Variants in GLIS3 observed in about 807,000 individuals in gnomAD.
The protein encoded by GLIS3 is zinc finger protein GLIS3.
In GLIS3, 53 loss-of-function variants were observed where a neutral mutation model predicts 78.6. The ratio of observed to expected loss-of-function variants is 0.67; its 90% confidence interval spans 0.54 to 0.85. The LOEUF is 0.85. Among genes scored for constraint, GLIS3 ranks in the 40% least tolerant of loss-of-function variants. The pLI, the probability that GLIS3 is intolerant of heterozygous loss-of-function variation, is 0.00. For synonymous variants in GLIS3, 684 were observed against 509.9 expected (o/e 1.34, Z -4.60); for missense variants, 1,703 against 1,231.1 (o/e 1.38, Z -5.74).
the GLIS3 span, among the ~76,000 whole-genome samples, chr9:4,475,136 G>C: frequency 1.3e-5 from 2 of 151,998 alleles, no homozygotes; most frequent in Non-Finnish European, 2.9e-5. Context: ...TGGGATTACA[G>C]GCGTGAGCCA....
chr9:4,376,317 A>C, the GLIS3 span, among the ~76,000 whole-genome samples: 7 of 152,216 alleles, frequency 4.6e-5, no homozygotes, highest in Non-Finnish European at 1.0e-4. Context: ...AAGCATTAGG[A>C]GTATCCAAGG....
chr9:4,150,967 C>A (rs1834630718), intron 2 of GLIS3: 1 of 152,098 alleles, frequency 6.6e-6, no homozygotes, highest in African/African-American at 2.4e-5. Context: ...ATGTCTTTTG[C>A]CTTCAAAATA....
At chr9:3,991,329 C>T (rs987724117) in intron 4 of GLIS3, among the ~76,000 whole-genome samples, 1 of 149,502 alleles carries the variant, frequency 6.7e-6, no homozygotes, top group Non-Finnish European at 1.5e-5. Context: ...AATGAAGATA[C>T]AAAAAAACAA....
chr9:4,475,135 A>T, the GLIS3 span, among the ~76,000 whole-genome samples: 14 of 152,066 alleles, frequency 9.2e-5, no homozygotes, highest in African/African-American at 3.1e-4. Context: ...CTGGGATTAC[A>T]GGCGTGAGCC....
At chr9:4,171,106 T>C (rs1364235721) in intron 2 of GLIS3, among the ~76,000 whole-genome samples, 1 of 152,224 alleles carries the variant, frequency 6.6e-6, no homozygotes, top group Admixed American at 6.5e-5. Context: ...CTGTAAGTCA[T>C]ATTTAGAATA....
At chr9:4,378,394 A>G in the GLIS3 span, among the ~76,000 whole-genome samples, 1 of 152,140 alleles carries the variant, frequency 6.6e-6, no homozygotes. Flanking sequence ...CTGTTTCTCC[A>G]AAATATTTAA....
At chr9:3,923,196 C>A (rs1825004703) in intron 6 of GLIS3, among the ~76,000 whole-genome samples, 1 of 152,174 alleles carries the variant, frequency 6.6e-6, no homozygotes, top group Admixed American at 6.5e-5. Flanking sequence ...TAATTCGTTT[C>A]CCACATTACC....
At chr9:4,173,542 GTA>G (rs1263361970) in intron 2 of GLIS3, among the ~76,000 whole-genome samples, 4 of 146,892 alleles carry the variant, frequency 2.7e-5, no homozygotes, top group African/African-American at 7.6e-5. Flanking sequence ...TATATAATAT[GTA>G]TATGTGTGTG....
intron 2 of GLIS3, among the ~76,000 whole-genome samples, chr9:4,333,813 C>T (rs1013842613): frequency 2.1e-5 from 3 of 140,570 alleles, no homozygotes; most frequent in African/African-American, 5.3e-5. Context: ...GAAATATCCT[C>T]CCAAGAGAAA....
chr9:4,486,302 C>G, the GLIS3 span, among the ~76,000 whole-genome samples: 1 of 152,186 alleles, frequency 6.6e-6, no homozygotes, highest in Non-Finnish European at 1.5e-5. Flanking sequence ...GCGTAAGATT[C>G]AGACCCATCA....
chr9:4,080,630 T>G (rs1387802112), intron 4 of GLIS3, among the ~76,000 whole-genome samples: 1 of 152,164 alleles, frequency 6.6e-6, no homozygotes, highest in Non-Finnish European at 1.5e-5. Context: ...AAAATATTAT[T>G]TACCTTTATT....
At chr9:4,069,385 G>T (rs73641302) in intron 4 of GLIS3, among the ~76,000 whole-genome samples, 1 of 152,256 alleles carries the variant, frequency 6.6e-6, no homozygotes, top group African/African-American at 2.4e-5. Flanking sequence ...TCTTCCAGTT[G>T]CTATCTCCAG....
At chr9:4,454,356 C>T in the GLIS3 span, among the ~76,000 whole-genome samples, 10 of 152,160 alleles carry the variant, frequency 6.6e-5, no homozygotes, top group Non-Finnish European at 1.5e-4. Flanking sequence ...TTTCACAGAA[C>T]TGATGTCAAA....
intron 8 of GLIS3, among the ~76,000 whole-genome samples, chr9:3,869,309 T>A (rs1820824703): frequency 6.6e-6 from 1 of 151,398 alleles, no homozygotes; most frequent in Non-Finnish European, 1.5e-5. Context: ...GCTGAGTGGT[T>A]TAAGATACCA....
chr9:4,206,526 T>C (rs1183200781), intron 2 of GLIS3, among the ~76,000 whole-genome samples: 1 of 152,224 alleles, frequency 6.6e-6, no homozygotes, highest in African/African-American at 2.4e-5. Flanking sequence ...ACACAGCCTA[T>C]GTGCAGTGGA....
At chr9:4,407,353 C>G in the GLIS3 span, among the ~76,000 whole-genome samples, 1 of 152,154 alleles carries the variant, frequency 6.6e-6, no homozygotes, top group African/African-American at 2.4e-5. Flanking sequence ...CAAGAAAACA[C>G]TGGAAAAACT....
intron 2 of GLIS3, among the ~76,000 whole-genome samples, chr9:4,279,455 A>G (rs1827354239): frequency 6.6e-6 from 1 of 150,922 alleles, no homozygotes; most frequent in Non-Finnish European, 1.5e-5. Context: ...AAGAAAAAAA[A>G]CAATAATATC....
intron 4 of GLIS3, among the ~76,000 whole-genome samples, chr9:4,072,710 A>G (rs1163350937): frequency 2.0e-5 from 3 of 151,242 alleles, no homozygotes; most frequent in Non-Finnish European, 4.4e-5. Context: ...ATTTCTGCAC[A>G]TGACAGGGTA....
chr9:4,384,475 T>C, the GLIS3 span, among the ~76,000 whole-genome samples: 1 of 151,860 alleles, frequency 6.6e-6, no homozygotes, highest in Non-Finnish European at 1.5e-5. Flanking sequence ...TGAAATTGTT[T>C]CTTTTTCTCT....
Sources: allele counts gnomAD v4.1 joint callset (sites outside exome capture counted in the v4.1 genomes callset), GRCh38; gene constraint gnomAD v4.1.1; transcripts MANE v1.5; gene names NCBI Gene and HGNC (gene_info 2026-07-23, HGNC 2026-07-21).